Variants in PPFIA2 observed in about 807,000 individuals in gnomAD.
The protein encoded by PPFIA2 is liprin-alpha-2.
PPFIA2 carries 46 observed loss-of-function variants against 175.5 expected under a neutral mutation model. That is an observed-to-expected ratio of 0.26 (90% CI 0.21 to 0.34). PPFIA2 has a LOEUF of 0.34. Among genes scored for constraint, PPFIA2 ranks in the 10% least tolerant of loss-of-function variants. PPFIA2 has a pLI of 1.00. For missense variants in PPFIA2, 1,179 were observed against 1,506.1 expected (o/e 0.78, Z 3.60); for synonymous variants, 568 against 511.4 (o/e 1.11, Z -1.49).
intron 3 of PPFIA2, among the ~76,000 whole-genome samples, chr12:81,707,430 A>G (rs1052718421): frequency 3.3e-5 from 5 of 152,238 alleles, no homozygotes; most frequent in Non-Finnish European, 7.3e-5. Flanking sequence ...AATGCTCACC[A>G]TCACTGGCCA....
intron 4 of PPFIA2, among the ~76,000 whole-genome samples, chr12:81,533,480 T>C (rs1020373269): frequency 6.6e-6 from 1 of 151,614 alleles, no homozygotes; most frequent in Non-Finnish European, 1.5e-5. Context: ...TAGATTACAC[T>C]GAGTTACAGA....
At chr12:81,342,302 C>G (rs1454754428) in intron 19 of PPFIA2, among the ~76,000 whole-genome samples, 1 of 152,012 alleles carries the variant, frequency 6.6e-6, no homozygotes, top group African/African-American at 2.4e-5. Flanking sequence ...ATGGAGAGAT[C>G]AGGATTGTAG....
At chr12:81,518,063 C>T (rs74106620) in intron 4 of PPFIA2, among the ~76,000 whole-genome samples, 5,398 of 152,150 alleles carry the variant, frequency 0.035, 339 homozygotes, top group African/African-American at 0.12. Flanking sequence ...ACGTTGTGCA[C>T]ATGTACCCTA....
intron 24 of PPFIA2, among the ~76,000 whole-genome samples, chr12:81,294,006 A>G (rs2045753921): frequency 6.8e-6 from 1 of 146,164 alleles, no homozygotes. Context: ...ATGGAACTGG[A>G]GACCATTATC....
chr12:81,284,140 C>CA, intron 25 of PPFIA2, 101 bp downstream of exon 25: 1 of 899,418 alleles, frequency 1.1e-6, no homozygotes, highest in Non-Finnish European at 1.8e-6. Context: ...ACTATAAAAA[C>CA]ACACCCTATT....
At chr12:81,692,977 GCAACTAATTTTTA>G in intron 3 of PPFIA2, among the ~76,000 whole-genome samples, 1 of 152,078 alleles carries the variant, frequency 6.6e-6, no homozygotes, top group East Asian at 1.9e-4. Context: ...TGTTTAAAAA[GCAACTAATTTTTA>G]GTTGCTGAAT....
At chr12:81,520,625 G>C (rs1162908822) in intron 4 of PPFIA2, among the ~76,000 whole-genome samples, 1 of 152,130 alleles carries the variant, frequency 6.6e-6, no homozygotes, top group Non-Finnish European at 1.5e-5. Flanking sequence ...GCTTTGACAT[G>C]TCTGGCAGAA....
At chr12:81,542,903 T>C (rs1206276277) in intron 4 of PPFIA2, among the ~76,000 whole-genome samples, 3 of 152,110 alleles carry the variant, frequency 2.0e-5, no homozygotes, top group African/African-American at 7.2e-5. Context: ...CCTTCAGTCA[T>C]GAAGATCAGA....
At chr12:81,673,553 T>G (rs956327860) in intron 4 of PPFIA2, among the ~76,000 whole-genome samples, 2 of 152,068 alleles carry the variant, frequency 1.3e-5, no homozygotes, top group Non-Finnish European at 2.9e-5. Context: ...TCCTTTGTAC[T>G]TCTATGTAAA....
At chr12:81,531,520 A>G (rs2064557899) in intron 4 of PPFIA2, among the ~76,000 whole-genome samples, 1 of 151,772 alleles carries the variant, frequency 6.6e-6, no homozygotes, top group Non-Finnish European at 1.5e-5. Context: ...GGCTATAAAT[A>G]GATCACATTT....
At chr12:81,525,928 G>A (rs2063681147) in intron 4 of PPFIA2, among the ~76,000 whole-genome samples, 1 of 151,868 alleles carries the variant, frequency 6.6e-6, no homozygotes, top group African/African-American at 2.4e-5. Context: ...AAAATTCTTA[G>A]AAATTTTCCC....
At chr12:81,632,393 C>CTA (rs200419182) in intron 4 of PPFIA2, among the ~76,000 whole-genome samples, 113 of 151,686 alleles carry the variant, frequency 7.4e-4, no homozygotes, top group East Asian at 2.3e-3. Context: ...ATGAATACCA[C>CTA]TATATATATA....
chr12:81,744,526 G>A (rs772294255), intron 3 of PPFIA2, among the ~76,000 whole-genome samples: 5 of 151,046 alleles, frequency 3.3e-5, no homozygotes, highest in Non-Finnish European at 7.4e-5. Context: ...GGGTTCAAGC[G>A]ATTCTCCTGC....
chr12:81,445,930 T>C (rs1055442810), intron 5 of PPFIA2, among the ~76,000 whole-genome samples: 4 of 152,234 alleles, frequency 2.6e-5, no homozygotes, highest in Admixed American at 6.5e-5. Context: ...ATTTAACAAG[T>C]TACTGAATTT....
chr12:81,741,981 G>C (rs1257272294), intron 3 of PPFIA2, among the ~76,000 whole-genome samples: 1 of 152,128 alleles, frequency 6.6e-6, no homozygotes, highest in Non-Finnish European at 1.5e-5. Context: ...GGTAAAGAAA[G>C]CAAGCCATAT....
At chr12:81,343,984 C>T (rs924785121) in intron 19 of PPFIA2, among the ~76,000 whole-genome samples, 1 of 152,088 alleles carries the variant, frequency 6.6e-6, no homozygotes, top group African/African-American at 2.4e-5. Context: ...CTGGCTCTTA[C>T]TCTCCAAGAG....
intron 4 of PPFIA2, among the ~76,000 whole-genome samples, chr12:81,475,944 C>A (rs1232362660): frequency 6.6e-6 from 1 of 152,132 alleles, no homozygotes; most frequent in African/African-American, 2.4e-5. Flanking sequence ...ATCACCTGAC[C>A]TTGTGACGAT....
intron 4 of PPFIA2, among the ~76,000 whole-genome samples, chr12:81,473,811 A>G (rs1025350830): frequency 3.3e-5 from 5 of 152,218 alleles, no homozygotes; most frequent in East Asian, 1.9e-4. Flanking sequence ...ACTTATATCA[A>G]TAAATTACAT....
At chr12:81,524,405 A>G (rs2063508201) in intron 4 of PPFIA2, among the ~76,000 whole-genome samples, 1 of 152,240 alleles carries the variant, frequency 6.6e-6, no homozygotes, top group Admixed American at 6.5e-5. Flanking sequence ...CCTCAAGGGC[A>G]GACAACTGAG....
Sources: gnomAD v4.1 joint callset for allele counts (sites outside exome capture counted in the v4.1 genomes callset) on GRCh38, gnomAD v4.1.1 for gene constraint, MANE v1.5 for transcripts, NCBI Gene and HGNC (gene_info 2026-07-23, HGNC 2026-07-21) for gene names.